Variants in PLEKHG1 observed in about 807,000 individuals in gnomAD.
PLEKHG1 encodes pleckstrin homology and RhoGEF domain containing G1.
In PLEKHG1, 44 loss-of-function variants were observed where a neutral mutation model predicts 100.8. That is an observed-to-expected ratio of 0.44 (90% CI 0.34 to 0.56). PLEKHG1 has a LOEUF of 0.56. Ranked by LOEUF, PLEKHG1 falls within the 20% of genes least tolerant of loss-of-function variation. PLEKHG1 has a pLI of 0.01. For missense variants in PLEKHG1, 1,545 were observed against 1,720.9 expected (o/e 0.90, Z 1.81); for synonymous variants, 640 against 662.5 (o/e 0.97, Z 0.52).
chr6:150,768,713 A>G (rs1225088093), exon 3 of PLEKHG1: 2 of 1,602,716 alleles, frequency 1.2e-6, no homozygotes, highest in East Asian at 2.2e-5. Context: ...TTTTGGAAAC[A>G]TACAGGATAT....
chr6:150,728,383 C>T (rs1782064207), intron 1 of PLEKHG1, among the ~76,000 whole-genome samples: 1 of 151,672 alleles, frequency 6.6e-6, no homozygotes, highest in Admixed American at 6.6e-5. Flanking sequence ...CACTTGAGCC[C>T]AGGAGTTCAA....
intron 3 of PLEKHG1, among the ~76,000 whole-genome samples, chr6:150,684,068 A>G (rs1021422937): frequency 6.6e-6 from 1 of 152,200 alleles, no homozygotes; most frequent in African/African-American, 2.4e-5. Flanking sequence ...TACATACGCT[A>G]TGCTGGGCAC....
At chr6:150,692,649 A>T (rs765440980) in intron 3 of PLEKHG1, among the ~76,000 whole-genome samples, 9 of 152,254 alleles carry the variant, frequency 5.9e-5, no homozygotes, top group African/African-American at 1.2e-4. Context: ...AGGGAAAAAA[A>T]TGCTAATTTT....
At chr6:150,839,668 G>A (rs183567482) in intron 15 of PLEKHG1, among the ~76,000 whole-genome samples, 165 bp from the exon 17 acceptor site, 1 of 152,310 alleles carries the variant, frequency 6.6e-6, no homozygotes, top group East Asian at 1.9e-4. Context: ...ATTTGTGTGT[G>A]TGTGTTGCTC....
At chr6:150,756,747 ACAGTTTCAAGT>A (rs1041966746) in intron 2 of PLEKHG1, among the ~76,000 whole-genome samples, 5 of 152,130 alleles carry the variant, frequency 3.3e-5, no homozygotes, top group Admixed American at 2.6e-4. Context: ...ATTGAGGGTT[ACAGTTTCAAGT>A]CATTTAGCAC....
intron 2 of PLEKHG1, among the ~76,000 whole-genome samples, chr6:150,745,544 G>T (rs969076409): frequency 8.5e-5 from 13 of 152,198 alleles, no homozygotes; most frequent in African/African-American, 1.4e-4. Flanking sequence ...TTAGCTGGGT[G>T]TGGTGGCAGG....
At position 150,680,611 on chromosome 6, in the gene PLEKHG1, G is replaced by C. The variant is rs542926189; in HGVS notation, c.-99+29825G>C. On this transcript the variant is annotated intron_variant, in intron 3 of 3. Coordinates refer to the PLEKHG1 transcript ENST00000367326. ...AAAACCAGGATTCTAAGGGGCCATG[G>C]TCCCCAAAGCGGGACAGTGCTTAGT... Among the ~76,000 whole-genome samples, 19 of 152,338 alleles carry C rather than the reference G, an allele frequency of 1.2e-4. 1 individual carries two copies. Among genetic ancestry groups the C allele is most frequent in the Admixed American group, 8.5e-4 (13 of 15,302 alleles).
intron 15 of PLEKHG1, among the ~76,000 whole-genome samples, 175 bp downstream of exon 16, chr6:150,832,380 A>C (rs1776997191): frequency 1.3e-5 from 2 of 152,208 alleles, no homozygotes; most frequent in South Asian, 4.1e-4. Flanking sequence ...CCTCCTGTGA[A>C]TTATCCACAT....
chr6:150,757,928 A>G (rs1414404779), intron 2 of PLEKHG1, among the ~76,000 whole-genome samples: 1 of 152,048 alleles, frequency 6.6e-6, no homozygotes, highest in African/African-American at 2.4e-5. Flanking sequence ...GCTCCCACTT[A>G]CAAGTGAGAA....
intron 11 of PLEKHG1, 151 bp from the exon 13 acceptor site, chr6:150,819,528 C>T (rs566323974): frequency 2.6e-4 from 104 of 403,528 alleles, no homozygotes; most frequent in South Asian, 2.5e-3. Context: ...ATCATGCCAC[C>T]GCACTTCAGC....
chr6:150,701,334 A>G (rs1049766389), intron 3 of PLEKHG1, among the ~76,000 whole-genome samples: 1 of 146,022 alleles, frequency 6.8e-6, no homozygotes, highest in African/African-American at 2.5e-5. Context: ...AAAAAAAAAA[A>G]TGTATTGATA....
Position 150,751,274 on chromosome 6 carries a change from CTT to C in PLEKHG1, c.411+17193_411+17194del, listed in dbSNP as rs66700466. On this transcript the variant is annotated intron_variant, in intron 2 of 15. Transcript: ENST00000358517. Reference sequence around the variant, plus strand: ...GAGGGCTGCAATGGTGGAATGAATACTTTTTTTTTTTTCAGAATTTTGATCTG... The same window carrying C: ...GAGGGCTGCAATGGTGGAATGAATACTTTTTTTTTTCAGAATTTTGATCTG... Among the ~76,000 whole-genome samples, 90 of 149,178 alleles carry C rather than the reference CTT, an allele frequency of 6.0e-4. No homozygotes were observed. The East Asian group carries it at 8.4e-3, about 14-fold the overall frequency.
intron 2 of PLEKHG1, among the ~76,000 whole-genome samples, chr6:150,750,378 C>A (rs558360852): frequency 1.3e-5 from 2 of 152,190 alleles, no homozygotes; most frequent in Admixed American, 1.3e-4. Context: ...CCTGGGCTAG[C>A]GAAATCCCAG....
intron 11 of PLEKHG1, among the ~76,000 whole-genome samples, chr6:150,818,434 C>G (rs545657964): frequency 6.6e-6 from 1 of 152,266 alleles, no homozygotes; most frequent in African/African-American, 2.4e-5. Context: ...TGATGGCTGG[C>G]CACTGTTGGG....
At chr6:150,839,565 C>T (rs1456892682) in intron 15 of PLEKHG1, among the ~76,000 whole-genome samples, 1 of 152,156 alleles carries the variant, frequency 6.6e-6, no homozygotes, top group East Asian at 1.9e-4. Context: ...ATATAGTGGA[C>T]ACTTGCAGAC....
intron 14 of PLEKHG1, among the ~76,000 whole-genome samples, chr6:150,826,317 G>A (rs1776604477): frequency 6.6e-6 from 1 of 151,988 alleles, no homozygotes; most frequent in Non-Finnish European, 1.5e-5. Flanking sequence ...AATTAGCCGG[G>A]CATAGCGGCA....
At chr6:150,716,914 C>T (rs781242022), upstream of PLEKHG1, among the ~76,000 whole-genome samples, 11 of 152,174 alleles carry the variant, frequency 7.2e-5, no homozygotes, top group Admixed American at 1.3e-4. Context: ...TGCGGTGGTG[C>T]GATCCTAGCT....
At chr6:150,669,931 A>G (rs1779528504) in intron 3 of PLEKHG1, among the ~76,000 whole-genome samples, 1 of 152,142 alleles carries the variant, frequency 6.6e-6, no homozygotes, top group Non-Finnish European at 1.5e-5. Flanking sequence ...TCAGGTCCTT[A>G]CCAAAAATGC....
chr6:150,724,619 G>A (rs1192086010), intron 1 of PLEKHG1, among the ~76,000 whole-genome samples: 1 of 145,040 alleles, frequency 6.9e-6, no homozygotes, highest in Non-Finnish European at 1.5e-5. Flanking sequence ...GAGTGAAGTG[G>A]TGTGATCTCG....
Sources: gnomAD v4.1 joint callset for allele counts (sites outside exome capture counted in the v4.1 genomes callset) on GRCh38, gnomAD v4.1.1 for gene constraint, MANE v1.5 for transcripts, NCBI Gene and HGNC (gene_info 2026-07-23, HGNC 2026-07-21) for gene names.